BCAS3: variants seen among roughly 807,000 people sequenced by gnomAD.
BCAS3 encodes BCAS4/BCAS3 fusion.
BCAS3 carries 53 observed loss-of-function variants against 116.1 expected under a neutral mutation model. The observed-to-expected ratio is 0.46, with a 90% CI of 0.37 to 0.57. The LOEUF (loss-of-function observed/expected upper bound fraction) is 0.57. Among genes scored for constraint, BCAS3 ranks in the 20% least tolerant of loss-of-function variants. The probability of loss-of-function intolerance (pLI) is 0.00; values close to 1 mark genes in which losing one functional copy is unlikely to be tolerated. For missense variants in BCAS3, 917 were observed against 1,165.4 expected (o/e 0.79, Z 3.10); for synonymous variants, 391 against 408.2 (o/e 0.96, Z 0.51).
In BCAS3 at chr17:61,322,020, G is replaced by A. The variant is rs12325839; in HGVS notation, c.2426-46307G>A. ...ACAATCTCAGCTCACCGCAACTTCC[G>A]CCTCCCAGGTTCAAGCAATTCTCCT... On this transcript the variant is annotated intron_variant, in intron 22 of 23. Transcript: ENST00000407086. Among the ~76,000 whole-genome samples, 535 of 152,076 alleles carry A rather than the reference G, an allele frequency of 3.5e-3. 3 individuals are homozygous for A. The highest frequency in any genetic ancestry group is 0.012 in the African/African-American group (489 of 41,448).
intron 23 of BCAS3, among the ~76,000 whole-genome samples, chr17:61,386,797 T>G (rs1309613263): frequency 9.9e-4 from 11 of 11,118 alleles, no homozygotes; most frequent in Non-Finnish European, 5.3e-3. Flanking sequence ...TTGTTTTTTG[T>G]TTTTTTTTTT....
At chr17:61,242,145 G>A (rs536658592) in intron 22 of BCAS3, among the ~76,000 whole-genome samples, 6 of 152,174 alleles carry the variant, frequency 3.9e-5, no homozygotes, top group African/African-American at 7.2e-5. Flanking sequence ...GCGTGGTGGC[G>A]CATGCCAGTA....
chr17:60,976,992 C>T (rs962636384), intron 14 of BCAS3, among the ~76,000 whole-genome samples: 3 of 152,098 alleles, frequency 2.0e-5, no homozygotes, highest in African/African-American at 7.2e-5. Context: ...CAGAGGGGCT[C>T]CTCACTTCCC....
chr17:61,243,058 C>T lies in BCAS3; in HGVS notation c.2426-125269C>T, dbSNP rs924088967. Among the ~76,000 whole-genome samples the T allele has an allele frequency of 5.3e-5, 8 of 151,856 alleles. No individual in the cohort carries two copies. In the East Asian group the frequency reaches 5.8e-4, roughly 11 times the overall value. On this transcript the variant is annotated intron_variant, in intron 22 of 23. Coordinates refer to ENST00000407086, the MANE Select transcript of BCAS3 (RefSeq NM_017679.5). The surrounding 1 kb of genome is among the most constrained non-coding windows in gnomAD (Gnocchi z 5.6). ...TCCCAAGTAGCTGGGACTACAGGCG[C>T]GCACCACCACACCCATCTAATTTTT... is the stretch of plus-strand genomic sequence containing the variant.
At chr17:60,849,728 G>T (rs962938257) in intron 7 of BCAS3, among the ~76,000 whole-genome samples, 1 of 152,050 alleles carries the variant, frequency 6.6e-6, no homozygotes, top group African/African-American at 2.4e-5. Flanking sequence ...TGAGTGAAAA[G>T]TACAGTGGTC....
intron 23 of BCAS3, among the ~76,000 whole-genome samples, chr17:61,375,247 T>TGTGTGC (rs1555861860): frequency 3.9e-5 from 5 of 129,760 alleles, no homozygotes; most frequent in Non-Finnish European, 7.5e-5. Flanking sequence ...TGTGTGTGTG[T>TGTGTGC]GTGTGTGTAC....
chr17:60,991,078 C>T (rs911054542), intron 15 of BCAS3, among the ~76,000 whole-genome samples: 10 of 152,130 alleles, frequency 6.6e-5, no homozygotes, highest in Non-Finnish European at 1.5e-4. Flanking sequence ...TTTTGCATAC[C>T]TTCTCCATAA....
At chr17:61,303,361 T>C (rs781079882) in intron 22 of BCAS3, among the ~76,000 whole-genome samples, 3 of 152,202 alleles carry the variant, frequency 2.0e-5, no homozygotes, top group Non-Finnish European at 4.4e-5. Context: ...GGCCTGGAAC[T>C]TCTGAACGGC....
intron 14 of BCAS3, among the ~76,000 whole-genome samples, chr17:60,979,465 T>A (rs541793275): frequency 8.7e-5 from 13 of 149,594 alleles, no homozygotes; most frequent in Non-Finnish European, 1.9e-4. Context: ...ACAATTTGAC[T>A]TCCTCTTGAA....
chr17:61,164,587 GTTATCGCAGA>G (rs916906704), intron 22 of BCAS3, among the ~76,000 whole-genome samples: 1 of 152,162 alleles, frequency 6.6e-6, no homozygotes, highest in African/African-American at 2.4e-5. Flanking sequence ...GAGTGGGCTG[GTTATCGCAGA>G]GTGAGATTCT....
chr17:60,788,724 T>A (rs1022266024), intron 6 of BCAS3, among the ~76,000 whole-genome samples: 2 of 152,104 alleles, frequency 1.3e-5, no homozygotes, highest in Non-Finnish European at 2.9e-5. Flanking sequence ...TCATCTCTCT[T>A]CTCTGTCTCA....
intron 22 of BCAS3, among the ~76,000 whole-genome samples, chr17:61,111,432 G>GA (rs1387067926): frequency 6.6e-6 from 1 of 151,480 alleles, no homozygotes; most frequent in Non-Finnish European, 1.5e-5. Context: ...AGAACTACGT[G>GA]AAGAATGCAG....
chr17:60,966,894 A>T (rs1020572504), intron 14 of BCAS3, among the ~76,000 whole-genome samples: 3 of 152,032 alleles, frequency 2.0e-5, no homozygotes, highest in Non-Finnish European at 4.4e-5. Context: ...ACCTCAAATG[A>T]TCTGCCCTCT....
intron 5 of BCAS3, among the ~76,000 whole-genome samples, chr17:60,727,950 G>C (rs1013765601): frequency 6.6e-6 from 1 of 151,842 alleles, no homozygotes; most frequent in African/African-American, 2.4e-5. Flanking sequence ...TGGGACTACA[G>C]GTGCATGCCA....
intron 7 of BCAS3, among the ~76,000 whole-genome samples, chr17:60,812,919 T>C (rs1267892381): frequency 1.3e-5 from 2 of 151,944 alleles, no homozygotes; most frequent in African/African-American, 4.8e-5. Context: ...AAAAATTTCT[T>C]TTTTTAAGAG....
At chr17:61,027,006 C>A in intron 16 of BCAS3, 1 of 1,072,462 alleles carries the variant, frequency 9.3e-7, no homozygotes, top group Non-Finnish European at 1.4e-6. Context: ...ATGGCCTGAT[C>A]ACAGATAGAT....
chr17:61,286,373 T>G lies in BCAS3; in HGVS notation c.2426-81954T>G, dbSNP rs1340279788. Reference sequence around the variant, plus strand: ...TTATACTGATGTCTGCGCCCACTCCTGTGCTGGTGAAGTCTGGCGTGTGGA... The same window carrying G: ...TTATACTGATGTCTGCGCCCACTCCGGTGCTGGTGAAGTCTGGCGTGTGGA... On this transcript the variant is annotated intron_variant, in intron 22 of 23. Coordinates refer to ENST00000407086, the MANE Select transcript of BCAS3 (RefSeq NM_017679.5). The surrounding 1 kb of genome is among the most constrained non-coding windows in gnomAD (Gnocchi z 4.8). Among the ~76,000 whole-genome samples the G allele has an allele frequency of 1.3e-4, 20 of 152,202 alleles. No homozygotes were observed. Among genetic ancestry groups the G allele is most frequent in the Admixed American group, 1.3e-3 (20 of 15,272 alleles).
At chr17:61,284,966 C>T (rs2051606503) in intron 22 of BCAS3, among the ~76,000 whole-genome samples, 1 of 152,204 alleles carries the variant, frequency 6.6e-6, no homozygotes, top group African/African-American at 2.4e-5. Flanking sequence ...AGTTTTCAAG[C>T]AAGTGTCATC....
intron 7 of BCAS3, among the ~76,000 whole-genome samples, chr17:60,841,660 A>G (rs917168073): frequency 6.6e-6 from 1 of 151,122 alleles, no homozygotes; most frequent in East Asian, 1.9e-4. Context: ...GATTACAGGC[A>G]TGAGCCATTG....
Sources: gnomAD v4.1 joint callset for allele counts (sites outside exome capture counted in the v4.1 genomes callset) on GRCh38, gnomAD v4.1.1 for gene constraint, Gnocchi (gnomAD v3.1) non-coding constraint, MANE v1.5 for transcripts, NCBI Gene and HGNC (gene_info 2026-07-23, HGNC 2026-07-21) for gene names.